Variants in LIPA observed in about 807,000 individuals in gnomAD.
The protein encoded by LIPA is lipase A, lysosomal acid type, also known as lysosomal acid lipase/cholesteryl ester hydrolase.
LIPA carries 26 observed loss-of-function variants against 40.6 expected under a neutral mutation model. That is an observed-to-expected ratio of 0.64 (90% CI 0.47 to 0.89). LIPA has a LOEUF of 0.89. Ranked by LOEUF, LIPA falls within the 40% of genes least tolerant of loss-of-function variation. LIPA has a pLI of 0.00. For missense variants in LIPA, 455 were observed against 479.6 expected (o/e 0.95, Z 0.48); for synonymous variants, 188 against 168.4 (o/e 1.12, Z -0.90).
chr10:89,384,293 G>A (rs747628429), intron 2 of LIPA: 56 of 1,614,034 alleles, frequency 3.5e-5, no homozygotes, highest in Non-Finnish European at 1.7e-6. Flanking sequence ...TTGGCTATAT[G>A]CAAATTTGAA....
chr10:89,324,533 A>G (rs1180968659), intron 1 of LIPA, among the ~76,000 whole-genome samples: 2 of 152,216 alleles, frequency 1.3e-5, no homozygotes, highest in African/African-American at 4.8e-5. Context: ...ACCTAATTAA[A>G]CTAAAGAGCT....
intron 2 of LIPA, among the ~76,000 whole-genome samples, chr10:89,376,699 C>A (rs7077187): frequency 0.041 from 6,238 of 152,232 alleles, 421 homozygotes; most frequent in African/African-American, 0.14. Flanking sequence ...CTTAAACTGG[C>A]CAATATGAAT....
At chr10:89,302,484 T>C (rs1843451584) in intron 1 of LIPA, among the ~76,000 whole-genome samples, 1 of 152,236 alleles carries the variant, frequency 6.6e-6, no homozygotes, top group South Asian at 2.1e-4. Flanking sequence ...GACCCTGTCT[T>C]ATTTCATATT....
chr10:89,283,144 C>A (rs1353071991), intron 1 of LIPA, among the ~76,000 whole-genome samples: 1 of 152,224 alleles, frequency 6.6e-6, no homozygotes, highest in East Asian at 1.9e-4. Flanking sequence ...GATGTGTAAA[C>A]AGACTGTAAC....
chr10:89,301,974 C>A, intron 1 of LIPA: 1 of 633,032 alleles, frequency 1.6e-6, no homozygotes, highest in Non-Finnish European at 2.7e-6. Flanking sequence ...TTTGTAACGT[C>A]AGCTGAAGGG....
intron 2 of LIPA, among the ~76,000 whole-genome samples, chr10:89,353,080 G>A (rs1843968635): frequency 6.6e-6 from 1 of 152,138 alleles, no homozygotes; most frequent in Non-Finnish European, 1.5e-5. Context: ...CATGAACAGG[G>A]CAGGAGAGGG....
At chr10:89,234,846 TA>T (rs928373482) in intron 3 of LIPA, among the ~76,000 whole-genome samples, 11 of 152,234 alleles carry the variant, frequency 7.2e-5, no homozygotes, top group African/African-American at 2.7e-4. Flanking sequence ...TTGTATGCTG[TA>T]GGTACTGTAC....
chr10:89,402,125 A>G (rs899778520), intron 2 of LIPA, among the ~76,000 whole-genome samples: 1 of 152,236 alleles, frequency 6.6e-6, no homozygotes, highest in African/African-American at 2.4e-5. Flanking sequence ...AACAATATCA[A>G]CAGTCCATGA....
rs1844055110 is a variant in LIPA, at chr10:89,366,100, ATTTG to A, written c.61+46687_61+46690del. The stretch of plus-strand genomic sequence containing the variant: ...ACCCATGAGCATGGAATGTTTTTCC[ATTTG>A]TTTGTGTCCTCTTTTATTTCGTTGA... On this transcript the variant is annotated intron_variant, in intron 2 of 8. Transcript: ENST00000371837. Among the ~76,000 whole-genome samples, 3 of 152,156 alleles carry A rather than the reference ATTTG, an allele frequency of 2.0e-5. 1 individual carries two copies. The South Asian group carries it at 6.2e-4, about 32-fold the overall frequency.
At chr10:89,405,564 A>C (rs746345786) in intron 2 of LIPA, 1 of 152,144 alleles carries the variant, frequency 6.6e-6, no homozygotes, top group South Asian at 2.1e-4. Flanking sequence ...TCAATGAGCC[A>C]AAGTCAAGGT....
chr10:89,302,790 T>A (rs1843453569), intron 1 of LIPA, among the ~76,000 whole-genome samples: 1 of 152,126 alleles, frequency 6.6e-6, no homozygotes, highest in African/African-American at 2.4e-5. Flanking sequence ...GGAGAGGAAG[T>A]GTTAGCTCAT....
At chr10:89,295,388 A>G (rs1017959628) in intron 1 of LIPA, among the ~76,000 whole-genome samples, 3 of 152,238 alleles carry the variant, frequency 2.0e-5, no homozygotes, top group African/African-American at 7.2e-5. Flanking sequence ...ATCTCAAGGA[A>G]AAAGCATAGA....
chr10:89,384,313 A>G lies in LIPA; in HGVS notation c.61+28478T>C, dbSNP rs147931699. 2.9e-5 allele frequency: 47 copies of G among 1,614,238 alleles called. No individual in the cohort carries two copies. The African/African-American group carries it at 4.4e-4, about 15-fold the overall frequency. Reference sequence around the variant, plus strand: ...TATATGCAAATTTGAAAAGACTATAATGTTAAAGCGAACATTTGAGATGGC... The same window carrying G: ...TATATGCAAATTTGAAAAGACTATAGTGTTAAAGCGAACATTTGAGATGGC... On this transcript the variant is annotated intron_variant, in intron 2 of 8. Transcript: ENST00000371837.
intron 1 of LIPA, among the ~76,000 whole-genome samples, chr10:89,266,526 G>T (rs765335998): frequency 8.5e-5 from 13 of 152,198 alleles, no homozygotes; most frequent in Non-Finnish European, 1.6e-4. Context: ...AAACACATAT[G>T]AATTTCATGT....
intron 1 of LIPA, chr10:89,283,715 G>T (rs953357245): frequency 7.2e-5 from 11 of 152,102 alleles, no homozygotes; most frequent in African/African-American, 2.7e-4. Flanking sequence ...GTTTGTACTT[G>T]CCAGGATACA....
chr10:89,239,264 G>A (rs138662109), intron 3 of LIPA, among the ~76,000 whole-genome samples: 1 of 152,268 alleles, frequency 6.6e-6, no homozygotes, highest in East Asian at 1.9e-4. Flanking sequence ...CTGAGAAGAG[G>A]GCCAAGTGGG....
At chr10:89,276,185 T>C (rs1007770027) in intron 1 of LIPA, among the ~76,000 whole-genome samples, 1 of 152,190 alleles carries the variant, frequency 6.6e-6, no homozygotes, top group African/African-American at 2.4e-5. Flanking sequence ...GCACTTGAAC[T>C]ACCTGCAGAG....
intron 1 of LIPA, among the ~76,000 whole-genome samples, chr10:89,322,945 T>G (rs1397124423): frequency 6.6e-6 from 1 of 152,164 alleles, no homozygotes; most frequent in Non-Finnish European, 1.5e-5. Context: ...TGGTTCCACT[T>G]CTGTCTGAAT....
intron 1 of LIPA, among the ~76,000 whole-genome samples, chr10:89,298,304 C>A: frequency 6.6e-6 from 1 of 152,212 alleles, no homozygotes; most frequent in East Asian, 1.9e-4. Context: ...GCTGCCACCA[C>A]TGGGGCCTGA....
Sources: gnomAD v4.1 joint callset for allele counts (sites outside exome capture counted in the v4.1 genomes callset) on GRCh38, gnomAD v4.1.1 for gene constraint, MANE v1.5 for transcripts, NCBI Gene and HGNC (gene_info 2026-07-23, HGNC 2026-07-21) for gene names.